The following ENPEP variants were observed in gnomAD, a reference collection of about 807,000 sequenced individuals.
ENPEP encodes glutamyl aminopeptidase.
A neutral mutation model predicts 114.5 loss-of-function variants in ENPEP; 103 were observed. That is an observed-to-expected ratio of 0.90 (90% CI 0.77 to 1.06). The LOEUF is 1.06. ENPEP is among the 50% of genes least tolerant of loss of function. The pLI is 0.00. For missense variants in ENPEP, 1,196 were observed against 1,161.3 expected (o/e 1.03, Z -0.43); for synonymous variants, 420 against 422.0 (o/e 1.00, Z 0.06).
intron 10 of ENPEP, among the ~76,000 whole-genome samples, chr4:110,525,870 G>A (rs1481252876): frequency 6.6e-6 from 1 of 152,198 alleles, no homozygotes; most frequent in Non-Finnish European, 1.5e-5. Context: ...TTGGGAGAGG[G>A]AAGCAGGAGG....
chr4:110,503,021 A>G (rs1725220534), intron 3 of ENPEP, among the ~76,000 whole-genome samples: 1 of 152,100 alleles, frequency 6.6e-6, no homozygotes, highest in South Asian at 2.1e-4. Flanking sequence ...CGTCATTTAC[A>G]TTAGGTATAT....
chr4:110,476,451 T>A lies in ENPEP; in HGVS notation c.37T>A (p.Cys13Ser). ...GGAGAGAGAGGGCTCTAAGAGATAC[T>A]GCATTCAAACGAAACATGTGGCCAT... ...FAEREGSKRY[C>S]IQTKHVAILC... The change falls in exon 1 of 20, where the codon TGC becomes AGC. Residue 13 changes from cysteine (C) to serine (S), a missense_variant. Transcript: ENST00000265162. 6.5e-7 allele frequency: 1 copy of A among 1,544,412 alleles called. No individual in the cohort carries two copies.
chr4:110,510,510 T>G, intron 6 of ENPEP, 152 bp downstream of exon 6: 1 of 639,716 alleles, frequency 1.6e-6, no homozygotes, highest in Non-Finnish European at 2.7e-6. Flanking sequence ...CCAGCTGACT[T>G]CCACTGACTA....
At chr4:110,501,996 A>G (rs1178840838) in intron 3 of ENPEP, among the ~76,000 whole-genome samples, 1 of 152,152 alleles carries the variant, frequency 6.6e-6, no homozygotes, top group East Asian at 1.9e-4. Context: ...GTGAGATAGT[A>G]TCTCATTGTG....
intron 11 of ENPEP, among the ~76,000 whole-genome samples, chr4:110,533,936 C>G (rs1300740945): frequency 6.6e-6 from 1 of 152,180 alleles, no homozygotes; most frequent in Non-Finnish European, 1.5e-5. Flanking sequence ...GCTTTGATGA[C>G]AAATCTGCCT....
At chr4:110,477,797 T>C (rs1002395009) in intron 1 of ENPEP, among the ~76,000 whole-genome samples, 1 of 152,200 alleles carries the variant, frequency 6.6e-6, no homozygotes, top group Non-Finnish European at 1.5e-5. Flanking sequence ...AGTAGTTAAA[T>C]ACATACAAAT....
At chr4:110,510,492 G>A in intron 6 of ENPEP, 134 bp downstream of exon 6, 1 of 725,248 alleles carries the variant, frequency 1.4e-6, no homozygotes, top group Non-Finnish European at 2.3e-6. Flanking sequence ...TGTGAGGATA[G>A]GGTGGAGCCA....
chr4:110,500,986 A>T (rs1725132878), intron 3 of ENPEP, among the ~76,000 whole-genome samples: 5 of 152,110 alleles, frequency 3.3e-5, no homozygotes, highest in Admixed American at 3.3e-4. Context: ...ACAAGGGAGG[A>T]TGCTTTCAAA....
chr4:110,555,970 G>C (rs1293609255), intron 18 of ENPEP, among the ~76,000 whole-genome samples: 1 of 151,518 alleles, frequency 6.6e-6, no homozygotes, highest in African/African-American at 2.4e-5. Context: ...ATTTTGTTCT[G>C]GCATTTCTGG....
intron 18 of ENPEP, among the ~76,000 whole-genome samples, chr4:110,557,984 C>T (rs1247555722): frequency 2.7e-5 from 4 of 147,446 alleles, no homozygotes; most frequent in South Asian, 2.1e-4. Context: ...TATATTACAA[C>T]GATTTGTTCT....
At chr4:110,556,427 C>T (rs1165548514) in intron 18 of ENPEP, among the ~76,000 whole-genome samples, 2 of 151,948 alleles carry the variant, frequency 1.3e-5, no homozygotes, top group African/African-American at 4.8e-5. Context: ...CTTTTCATGT[C>T]TTTAAGTGTG....
In ENPEP at chr4:110,553,531, C is replaced by T. The variant is rs1475768191; in HGVS notation, c.2642+76C>T. On this transcript the variant is annotated intron_variant, in intron 18 of 19. Coordinates refer to ENST00000265162, the MANE Select transcript of ENPEP (RefSeq NM_001977.4). ...CTGGTTCCTTCATTTTTCTTTGGGC[C>T]ACTGTCTCTGACATCTATACAATAT... The T allele has an allele frequency of 5.6e-6, 8 of 1,416,634 alleles. No individual in the cohort carries two copies. The East Asian group carries it at 1.4e-4, about 25-fold the overall frequency. 87.8% of individuals were successfully genotyped at this position (1,416,634 alleles called of 1,614,324 possible).
chr4:110,498,998 C>T (rs1169003509), intron 3 of ENPEP, among the ~76,000 whole-genome samples: 2 of 152,106 alleles, frequency 1.3e-5, no homozygotes, highest in Non-Finnish European at 2.9e-5. Context: ...CTTTTGAAAC[C>T]AGGCCCTTAC....
chr4:110,508,674 G>A (rs1043201255), intron 4 of ENPEP, among the ~76,000 whole-genome samples: 1 of 152,142 alleles, frequency 6.6e-6, no homozygotes, highest in Non-Finnish European at 1.5e-5. Context: ...AGCCAGGCGC[G>A]GTGGCGGGCG....
chr4:110,495,384 C>T (rs188846995), intron 3 of ENPEP, among the ~76,000 whole-genome samples: 1 of 152,266 alleles, frequency 6.6e-6, no homozygotes, highest in African/African-American at 2.4e-5. Flanking sequence ...AGAATGCTTT[C>T]GCTCTGCATG....
rs1724094665 is a variant in ENPEP, at chr4:110,476,335, AT to A, written c.-77del. ...CTGCCAAATCAGGGGATTCCTTCCA[AT>A]TTAAAAAGGAAGTCTGCTGACGTTA... On this transcript the variant is annotated 5_prime_UTR_variant, in exon 1 of 20. Coordinates refer to ENST00000265162, the MANE Select transcript of ENPEP (RefSeq NM_001977.4). The A allele has an allele frequency of 6.8e-7, 1 of 1,477,442 alleles. No individual in the cohort carries two copies. Among genetic ancestry groups the A allele is most frequent in the Non-Finnish European group, 9.0e-7 (1 of 1,108,616 alleles). The allele number at this position is 1,477,442 out of a possible 1,614,324, so 91.5% of individuals were successfully genotyped here.
intron 3 of ENPEP, among the ~76,000 whole-genome samples, chr4:110,497,390 C>A (rs1051378481): frequency 6.6e-6 from 1 of 151,552 alleles, no homozygotes; most frequent in African/African-American, 2.4e-5. Flanking sequence ...ATTTAGTAAG[C>A]CACGGAGGAT....
intron 3 of ENPEP, 69 bp from the exon 4 acceptor site, chr4:110,506,568 C>A: frequency 6.7e-7 from 1 of 1,493,348 alleles, no homozygotes. Context: ...GTATGTTATG[C>A]ATCACAGTTT....
chr4:110,518,906 C>G (rs911426663), intron 8 of ENPEP: 7 of 333,938 alleles, frequency 2.1e-5, no homozygotes, highest in African/African-American at 1.3e-4. Flanking sequence ...CAAAACACAG[C>G]TATGGTTATA....
Sources: gnomAD v4.1 joint callset for allele counts (sites outside exome capture counted in the v4.1 genomes callset) on GRCh38, gnomAD v4.1.1 for gene constraint, MANE v1.5 for transcripts, NCBI Gene and HGNC (gene_info 2026-07-23, HGNC 2026-07-21) for gene names.